The following OTOGL variants were observed in gnomAD, a reference collection of about 807,000 sequenced individuals.
OTOGL encodes otogelin like.
OTOGL carries 285 observed loss-of-function variants against 318.5 expected under a neutral mutation model. That is an observed-to-expected ratio of 0.89 (90% CI 0.81 to 0.99). The LOEUF (loss-of-function observed/expected upper bound fraction) is 0.99. Ranked by LOEUF, OTOGL falls within the 50% of genes least tolerant of loss-of-function variation. The probability of loss-of-function intolerance (pLI) is 0.00; values close to 1 mark genes in which losing one functional copy is unlikely to be tolerated. For missense variants in OTOGL, 2,899 were observed against 2,845.6 expected, an observed-to-expected ratio of 1.02 and a Z score of -0.43; for synonymous variants, 987 against 936.5, an observed-to-expected ratio of 1.05 and a Z score of -0.99.
At chr12:80,210,789 C>A in intron 2 of OTOGL, 58 bp from the exon 3 acceptor site, 1 of 1,148,844 alleles carries the variant, frequency 8.7e-7, no homozygotes, top group East Asian at 3.0e-5. Context: ...ACAACTGGAA[C>A]ATGTAGCCAA....
chr12:80,189,465 T>C, intron 1 of OTOGL: 1 of 985,350 alleles, frequency 1.0e-6, no homozygotes, highest in East Asian at 1.1e-4. Flanking sequence ...GTTGGATTTT[T>C]TTTTCTTTAA....
intron 26 of OTOGL, among the ~76,000 whole-genome samples, chr12:80,294,234 G>A (rs772220277): frequency 6.6e-6 from 1 of 151,788 alleles, no homozygotes; most frequent in Non-Finnish European, 1.5e-5. Context: ...TATTGCTATT[G>A]TTACAAATTA....
At chr12:80,255,301 A>G (rs1592615083) in intron 16 of OTOGL, 116 bp downstream of exon 16, 1 of 1,021,676 alleles carries the variant, frequency 9.8e-7, no homozygotes, top group African/African-American at 1.7e-5. Context: ...TAACACTAAG[A>G]TGACATTGAT....
intron 7 of OTOGL, among the ~76,000 whole-genome samples, chr12:80,227,327 T>C (rs1333977111): frequency 6.6e-6 from 1 of 152,208 alleles, no homozygotes; most frequent in African/African-American, 2.4e-5. Context: ...AAGGATGGCA[T>C]ATATAATTTT....
At chr12:80,140,230 A>G (rs984598619) in intron 1 of OTOGL, among the ~76,000 whole-genome samples, 2 of 152,072 alleles carry the variant, frequency 1.3e-5, no homozygotes, top group African/African-American at 4.8e-5. Flanking sequence ...TCTCTATCAC[A>G]TGGTTTGAGT....
intron 14 of OTOGL, 80 bp from the exon 15 acceptor site, chr12:80,254,444 T>G (rs1299390977): frequency 1.9e-6 from 2 of 1,069,648 alleles, no homozygotes; most frequent in Non-Finnish European, 2.7e-6. Context: ...TATATTTTGG[T>G]CCATTAATCA....
At chr12:80,323,610 C>A in intron 34 of OTOGL, 113 bp from the exon 35 acceptor site, 3 of 791,116 alleles carry the variant, frequency 3.8e-6, no homozygotes, top group Non-Finnish European at 6.1e-6. Context: ...AATAGTGCCA[C>A]TGCGCTCGAG....
At chr12:80,278,450 T>C (rs533714326) in intron 25 of OTOGL, among the ~76,000 whole-genome samples, 175 bp downstream of exon 25, 40 of 151,646 alleles carry the variant, frequency 2.6e-4, no homozygotes, top group Non-Finnish European at 5.6e-4. Context: ...ACTATATCAT[T>C]ATTTTTATGC....
intron 1 of OTOGL, among the ~76,000 whole-genome samples, chr12:80,133,933 TCAAAAA>T (rs915932632): frequency 3.1e-4 from 47 of 151,696 alleles, no homozygotes; most frequent in Admixed American, 1.4e-3. Flanking sequence ...AGACTCTGTC[TCAAAAA>T]CAAAAACAAA....
chr12:80,146,099 A>G (rs1249966516), intron 1 of OTOGL, among the ~76,000 whole-genome samples: 186 of 150,348 alleles, frequency 1.2e-3, no homozygotes, highest in African/African-American at 4.5e-3. Context: ...ACCCTGTTGA[A>G]TAGGAGCGGT....
chr12:80,132,220 C>T (rs530887578), intron 1 of OTOGL: 9 of 152,258 alleles, frequency 5.9e-5, no homozygotes, highest in African/African-American at 1.9e-4. Flanking sequence ...TGTGCTGAAC[C>T]TTTATAGTCT....
intron 1 of OTOGL, among the ~76,000 whole-genome samples, chr12:80,156,124 G>A (rs1299944365): frequency 1.3e-5 from 2 of 152,210 alleles, no homozygotes; most frequent in Non-Finnish European, 2.9e-5. Context: ...TGAGTCCGTG[G>A]ACTGCGAAAG....
At chr12:80,126,403 G>A (rs1592472934) in intron 1 of OTOGL, among the ~76,000 whole-genome samples, 1 of 152,302 alleles carries the variant, frequency 6.6e-6, no homozygotes, top group African/African-American at 2.4e-5. Flanking sequence ...TGGTCTAAGA[G>A]ACAGTTTGTT....
At chr12:80,307,763 G>A (rs1352527204) in intron 29 of OTOGL, among the ~76,000 whole-genome samples, 3 of 141,640 alleles carry the variant, frequency 2.1e-5, no homozygotes, top group Non-Finnish European at 3.1e-5. Context: ...CCTCCCTCCC[G>A]GACGGGGTGG....
At chr12:80,129,324 A>G (rs983118785) in intron 1 of OTOGL, among the ~76,000 whole-genome samples, 3 of 152,214 alleles carry the variant, frequency 2.0e-5, no homozygotes, top group African/African-American at 7.2e-5. Context: ...AGAGAGTAGA[A>G]AGGTGTGAAT....
Position 80,238,882 on chromosome 12 carries a change from A to G in OTOGL, c.849A>G (p.Ala283=), listed in dbSNP as rs1425503340. ...EDYTEDIAMF[A]NSWSVQTPDD... is the part of the protein sequence containing the mutation. ...ATACAGAAGACATCGCTATGTTTGC[A>G]AATAGTTGGTCGGTGCAAACTCCAG... The change falls in exon 10 of 59, where the codon GCA becomes GCG. Residue 283 remains alanine (A), a synonymous_variant. Transcript: ENST00000547103. 7 of 1,571,190 alleles carry G rather than the reference A, an allele frequency of 4.5e-6. No individual in the cohort carries two copies. Among genetic ancestry groups the G allele is most frequent in the Non-Finnish European group, 6.0e-6 (7 of 1,164,514 alleles).
chr12:80,187,271 T>G lies in OTOGL; in HGVS notation c.-19-22142T>G, dbSNP rs924777899. ...AAGTGGCCAGGTTGTTTTTGTTTTT[T>G]TTTTTTATACCGATACTTAGTATTT... On this transcript the variant is annotated intron_variant, in intron 1 of 58. Transcript: ENST00000547103. 5.3e-5 allele frequency among the ~76,000 whole-genome samples: 8 copies of G among 151,976 alleles called. No homozygotes were observed. The South Asian group carries it at 1.2e-3, about 24-fold the overall frequency.
At chr12:80,112,320 C>A (rs1869889418) in intron 1 of OTOGL, among the ~76,000 whole-genome samples, 1 of 152,118 alleles carries the variant, frequency 6.6e-6, no homozygotes, top group African/African-American at 2.4e-5. Context: ...TTGTCTTGTG[C>A]CAGTTTTCAA....
At chr12:80,252,748 C>T (rs1881685223) in intron 13 of OTOGL, among the ~76,000 whole-genome samples, 1 of 152,136 alleles carries the variant, frequency 6.6e-6, no homozygotes, top group African/African-American at 2.4e-5. Context: ...CCAATATCCT[C>T]ATTAACTGAG....
Sources: gnomAD v4.1 joint callset for allele counts (sites outside exome capture counted in the v4.1 genomes callset) on GRCh38, gnomAD v4.1.1 for gene constraint, MANE v1.5 for transcripts, NCBI Gene and HGNC (gene_info 2026-07-23, HGNC 2026-07-21) for gene names.